NUP214: variants seen among roughly 807,000 people sequenced by gnomAD.
NUP214 encodes the protein nuclear pore complex protein Nup214.
In NUP214, 79 loss-of-function variants were observed where a neutral mutation model predicts 196.2. The observed-to-expected ratio is 0.40, with a 90% confidence interval of 0.34 to 0.49. NUP214 has a LOEUF of 0.49. Ranked by LOEUF, NUP214 falls within the 20% of genes least tolerant of loss-of-function variation. The pLI is 0.58. For missense variants in NUP214, 2,468 were observed against 2,539.0 expected, an observed-to-expected ratio of 0.97 and a Z score of 0.60; for synonymous variants, 1,020 against 990.5, an observed-to-expected ratio of 1.03 and a Z score of -0.56.
chr9:131,150,393 G>T lies in NUP214; in HGVS notation c.2110G>T (p.Ala704Ser). The T allele has an allele frequency of 6.2e-7, 1 of 1,614,158 alleles. No individual in the cohort carries two copies. The highest frequency in any genetic ancestry group is 8.5e-7 in the Non-Finnish European group (1 of 1,180,006). ...GTGGAAAGATTCAGATCCTGTAATG[G>T]CTGGAATTGGGGAGGAGGTAAATTT... ...HQWKDSDPVM[A>S]GIGEEIAHFQ... Residue 704 changes from alanine to serine, a missense_variant, in exon 15 of 36, where the codon GCT (alanine) becomes TCT (serine). By Grantham distance (99) the Ala-to-Ser change is moderately conservative. This residue lies in a region of NUP214 where 1,801 missense variants were observed against 1,779.4 expected (regional missense o/e 1.01). Coordinates refer to ENST00000359428, the MANE Select transcript of NUP214 (RefSeq NM_005085.4).
chr9:131,131,468 T>G (rs1395645064), intron 5 of NUP214, among the ~76,000 whole-genome samples: 2 of 152,234 alleles, frequency 1.3e-5, no homozygotes, highest in Non-Finnish European at 2.9e-5. Flanking sequence ...AGGCCTTTCT[T>G]GTGCCTTCCT....
intron 24 of NUP214, 149 bp from the exon 25 acceptor site, chr9:131,187,140 A>G: frequency 1.6e-6 from 1 of 616,234 alleles, no homozygotes; most frequent in Non-Finnish European, 2.9e-6. Flanking sequence ...CCTTCAAAAA[A>G]AATGTCAAAT....
intron 21 of NUP214, among the ~76,000 whole-genome samples, chr9:131,172,005 A>G (rs1326185700): frequency 1.3e-5 from 2 of 152,114 alleles, no homozygotes; most frequent in African/African-American, 4.8e-5. Context: ...ATAGTGCCGC[A>G]ATAAACATAC....
Position 131,150,756 on chromosome 9 carries a change from G to T in NUP214, c.2268G>T (p.Glu756Asp). 5 of 1,605,312 alleles carry T rather than the reference G, an allele frequency of 3.1e-6. No individual in the cohort carries two copies. The highest frequency in any genetic ancestry group is 2.5e-6 in the Non-Finnish European group (3 of 1,177,816). ...ATACCTTTCTTTTGGAGATTAAAGA[G>T]ACCACAGAGGTTTGTGTTTATGGAT... ...DLHTFLLEIK[E>D]TTESLHGDIS... Residue 756 changes from glutamate (E) to aspartate (D), a missense_variant, in exon 16 of 36, where the codon GAG (glutamate) becomes GAT (aspartate). By Grantham distance (45) the Glu-to-Asp change is conservative. Transcript: ENST00000359428.
intron 29 of NUP214, among the ~76,000 whole-genome samples, chr9:131,201,236 A>T (rs1469497059): frequency 6.6e-6 from 1 of 151,680 alleles, no homozygotes; most frequent in African/African-American, 2.4e-5. Context: ...TGGGAGGCCA[A>T]GGTGGGTGGA....
In NUP214 at chr9:131,174,057, A is replaced by G. The variant is rs761106640; in HGVS notation, c.2896A>G (p.Ser966Gly). The change falls in exon 22 of 36, where the codon AGC becomes GGC. Residue 966 changes from serine to glycine, a missense_variant and splice_region_variant. Physicochemically the swap from Ser to Gly is moderately conservative, Grantham distance 56 (BLOSUM62 0). This residue lies in a region of NUP214 where 1,801 missense variants were observed against 1,779.4 expected (regional missense o/e 1.01). Transcript: ENST00000359428. ...TGTTTTGTTTGGGGCTTTTGTAGCC[A>G]GCCTGTCTCGATCAGCCTTTCTGTC... ...TPPVRSTAPA[S>G]LSRSAFLSQR... The G allele has an allele frequency of 1.2e-6, 2 of 1,612,518 alleles. No homozygotes were observed. The highest frequency in any genetic ancestry group is 1.7e-6 in the Non-Finnish European group (2 of 1,179,574).
chr9:131,219,949 A>G (rs1435704885), intron 31 of NUP214, among the ~76,000 whole-genome samples: 1 of 152,204 alleles, frequency 6.6e-6, no homozygotes, highest in Non-Finnish European at 1.5e-5. Flanking sequence ...GATACTCTGT[A>G]TCGGATTTAA....
rs1471057406 is a variant in NUP214, at chr9:131,163,918, C to T, written c.2772C>T (p.Thr924=). The change falls in exon 20 of 36, where the codon ACC becomes ACT. Residue 924 remains threonine, a synonymous_variant. Coordinates refer to ENST00000359428, the MANE Select transcript of NUP214 (RefSeq NM_005085.4). ...ESLCNALLKT[T]IESHTKSLPK... is the part of the protein sequence containing the mutation. ...TGTGCAATGCTTTGTTGAAAACCAC[C>T]ATAGAATCTCACACCAAATCCTTGC... 6.2e-7 allele frequency: 1 copy of T among 1,614,144 alleles called. No individual in the cohort carries two copies. The highest frequency in any genetic ancestry group is 1.7e-5 in the Admixed American group (1 of 60,012).
At chr9:131,142,276 T>A (rs979168551) in intron 11 of NUP214, among the ~76,000 whole-genome samples, 1 of 152,250 alleles carries the variant, frequency 6.6e-6, no homozygotes, top group African/African-American at 2.4e-5. Context: ...GAGCCTTTGC[T>A]ACTAGCCCAT....
chr9:131,198,709 G>C lies in NUP214; in HGVS notation c.5215G>C (p.Ala1739Pro), dbSNP rs1293619983. ...AGTCTTTGGGCAGTCGGCGAGCAGT[G>C]CTGCAAGTGTCTTTTCCTTCAGTCA... ...ASVFGQSASS[A>P]ASVFSFSQPG... Residue 1739 changes from alanine to proline, a missense_variant, in exon 29 of 36, where the codon GCT (alanine) becomes CCT (proline). Coordinates refer to ENST00000359428, the MANE Select transcript of NUP214 (RefSeq NM_005085.4). The C allele has an allele frequency of 6.2e-7, 1 of 1,614,192 alleles. No homozygotes were observed. Among genetic ancestry groups the C allele is most frequent in the East Asian group, 2.2e-5 (1 of 44,884 alleles).
At chr9:131,138,338 C>T (rs1831805161) in intron 9 of NUP214, among the ~76,000 whole-genome samples, 1 of 151,862 alleles carries the variant, frequency 6.6e-6, no homozygotes, top group South Asian at 2.1e-4. Context: ...CCTGCCTCAG[C>T]CTCCCAAGTA....
chr9:131,224,245 C>T (rs12338663), intron 32 of NUP214, among the ~76,000 whole-genome samples: 29 of 152,240 alleles, frequency 1.9e-4, no homozygotes, highest in African/African-American at 6.7e-4. Flanking sequence ...TTTATAACTA[C>T]AAATTTTTAA....
chr9:131,191,920 A>G, intron 26 of NUP214: 1 of 242,780 alleles, frequency 4.1e-6, no homozygotes, highest in Non-Finnish European at 7.9e-6. Flanking sequence ...AAAACTGTAC[A>G]TTTAAACTAT....
chr9:131,231,192 T>TAC (rs1157436511), intron 34 of NUP214, among the ~76,000 whole-genome samples: 1 of 151,960 alleles, frequency 6.6e-6, no homozygotes, highest in African/African-American at 2.4e-5. Flanking sequence ...TTGAAACATA[T>TAC]ATATATATAT....
intron 30 of NUP214, among the ~76,000 whole-genome samples, chr9:131,206,134 T>TTTTTTTC (rs1413606979): frequency 8.1e-6 from 1 of 124,062 alleles, no homozygotes; most frequent in African/African-American, 3.0e-5. Flanking sequence ...CCACATAGAA[T>TTTTTTTC]TTTTTTCTTT....
chr9:131,130,911 C>T (rs1831526190), intron 5 of NUP214, 75 bp downstream of exon 5: 3 of 1,141,148 alleles, frequency 2.6e-6, no homozygotes, highest in Non-Finnish European at 3.9e-6. Context: ...GAGTATCTTT[C>T]TTGTTTTTCC....
intron 32 of NUP214, among the ~76,000 whole-genome samples, chr9:131,225,316 G>A (rs538281030): frequency 3.3e-5 from 5 of 152,224 alleles, no homozygotes; most frequent in Admixed American, 6.5e-5. Flanking sequence ...CTCCTCGGGA[G>A]ACTGAGGTGG....
intron 24 of NUP214, among the ~76,000 whole-genome samples, chr9:131,182,102 A>G (rs1833295473): frequency 6.6e-6 from 1 of 152,248 alleles, no homozygotes; most frequent in South Asian, 2.1e-4. Context: ...CTTTATATTT[A>G]AAATGGGTTT....
Position 131,197,152 on chromosome 9 carries a change from T to G in NUP214, c.3722-64T>G, listed in dbSNP as rs979871318. 5 of 1,570,756 alleles carry G rather than the reference T, an allele frequency of 3.2e-6. No homozygotes were observed. In the East Asian group the frequency reaches 1.1e-4, roughly 35 times the overall value. ...AACTTTGGCTTAGAAACACAATCAGTGGAAATGTAATGGGTCATCTTTTGC... is the reference window on the plus strand; with the variant it reads ...AACTTTGGCTTAGAAACACAATCAGGGGAAATGTAATGGGTCATCTTTTGC... On this transcript the variant is annotated intron_variant, in intron 28 of 35. Coordinates refer to ENST00000359428, the MANE Select transcript of NUP214 (RefSeq NM_005085.4).
Sources: allele counts gnomAD v4.1 joint callset (sites outside exome capture counted in the v4.1 genomes callset), GRCh38; gene constraint gnomAD v4.1.1; regional missense constraint gnomAD v4.1.1; transcripts MANE v1.5; gene names NCBI Gene and HGNC (gene_info 2026-07-23, HGNC 2026-07-21).